CRIM1: variants seen among roughly 807,000 people sequenced by gnomAD.
CRIM1 encodes cysteine rich transmembrane BMP regulator 1.
In CRIM1, 32 loss-of-function variants were observed where a neutral mutation model predicts 116.4. The ratio of observed to expected loss-of-function variants is 0.27; its 90% CI spans 0.21 to 0.37. The LOEUF (loss-of-function observed/expected upper bound fraction) is 0.37, where lower values mean the gene tolerates loss of function less well. Ranked by LOEUF, CRIM1 falls within the 10% of genes least tolerant of loss-of-function variation. The pLI is 1.00. For missense variants in CRIM1, 1,331 were observed against 1,354.8 expected, an observed-to-expected ratio of 0.98 and a Z score of 0.28; for synonymous variants, 590 against 509.2, an observed-to-expected ratio of 1.16 and a Z score of -2.13.
chr2:36,489,588 T>C (rs2125066205), intron 7 of CRIM1, among the ~76,000 whole-genome samples: 1 of 152,308 alleles, frequency 6.6e-6, no homozygotes, highest in Middle Eastern at 3.4e-3. Flanking sequence ...GTTATGAAAG[T>C]ACTGGTTGAA....
chr2:36,486,548 G>A (rs1679830812), intron 7 of CRIM1, among the ~76,000 whole-genome samples: 1 of 152,158 alleles, frequency 6.6e-6, no homozygotes, highest in African/African-American at 2.4e-5. Context: ...TGAAACACAT[G>A]ATTAGAAATT....
intron 2 of CRIM1, among the ~76,000 whole-genome samples, chr2:36,426,436 G>A (rs1325982385): frequency 6.6e-6 from 1 of 152,174 alleles, no homozygotes; most frequent in African/African-American, 2.4e-5. Context: ...ATAGCCACCT[G>A]TATCAAACAT....
At position 36,547,049 on chromosome 2, in the gene CRIM1, GA is replaced by G; in HGVS notation, c.2813del (p.Asp938AlafsTer10). On this transcript the variant is annotated frameshift_variant, in exon 16 of 17. Transcript: ENST00000280527. LOFTEE classifies it high-confidence loss of function. ...RLHPSEDSSLDSIASVVVPII... is the reference protein window; with the variant it reads ...RLHPSEDSSLXSIASVVVPII... ...GCACCCAAGTGAAGATTCTTCACTG[GA>G]CTCCATTGCCTCAGTTGTGGTTCCC... The G allele has an allele frequency of 6.2e-7, 1 of 1,612,370 alleles. No individual in the cohort carries two copies. Among genetic ancestry groups the G allele is most frequent in the Non-Finnish European group, 8.5e-7 (1 of 1,178,626 alleles).
chr2:36,367,290 A>G (rs563509518), intron 1 of CRIM1, among the ~76,000 whole-genome samples: 21 of 152,370 alleles, frequency 1.4e-4, no homozygotes, highest in African/African-American at 4.6e-4. Context: ...GTTTTAATCA[A>G]GACTGTGACT....
At chr2:36,438,068 G>T (rs1458160813) in intron 2 of CRIM1, among the ~76,000 whole-genome samples, 1 of 150,132 alleles carries the variant, frequency 6.7e-6, no homozygotes, top group African/African-American at 2.5e-5. Flanking sequence ...GGAGGTGGAG[G>T]TTGCAGTGAG....
chr2:36,500,611 G>T (rs1306424039), intron 8 of CRIM1, among the ~76,000 whole-genome samples: 1 of 151,916 alleles, frequency 6.6e-6, no homozygotes, highest in Non-Finnish European at 1.5e-5. Flanking sequence ...GGATATTTTT[G>T]AATCTCAATA....
intron 7 of CRIM1, among the ~76,000 whole-genome samples, chr2:36,484,881 T>C (rs1013822644): frequency 2.0e-5 from 3 of 152,144 alleles, no homozygotes; most frequent in Non-Finnish European, 4.4e-5. Flanking sequence ...GTTGGGCAAA[T>C]GGGTAGTTTC....
intron 7 of CRIM1, 65 bp downstream of exon 7, chr2:36,479,759 G>C: frequency 6.8e-7 from 1 of 1,481,394 alleles, no homozygotes; most frequent in Non-Finnish European, 9.4e-7. Context: ...TTCTACCAGC[G>C]TACGTTCTTG....
At chr2:36,392,621 C>A (rs12465282) in intron 1 of CRIM1, among the ~76,000 whole-genome samples, 114,738 of 152,016 alleles carry the variant, frequency 0.75, 44,515 homozygotes, top group East Asian at 0.99. Flanking sequence ...TTCCATAATC[C>A]AACCTCATTA....
At chr2:36,482,279 G>GT (rs1679479149) in intron 7 of CRIM1, among the ~76,000 whole-genome samples, 1 of 152,062 alleles carries the variant, frequency 6.6e-6, no homozygotes, top group African/African-American at 2.4e-5. Flanking sequence ...TCATATGAAT[G>GT]TATTTACTCT....
intron 1 of CRIM1, among the ~76,000 whole-genome samples, chr2:36,383,838 G>T (rs116969768): frequency 2.0e-5 from 3 of 152,164 alleles, no homozygotes; most frequent in Non-Finnish European, 4.4e-5. Context: ...AATGGGATCC[G>T]TAAAGGCCCA....
chr2:36,441,142 T>G (rs139233220), intron 2 of CRIM1, 116 bp from the exon 3 acceptor site: 2 of 1,383,292 alleles, frequency 1.4e-6, no homozygotes, highest in Non-Finnish European at 2.0e-6. Context: ...ACACTGAATT[T>G]CTTTCCCTAC....
intron 2 of CRIM1, among the ~76,000 whole-genome samples, chr2:36,433,570 A>G (rs184405790): frequency 1.8e-4 from 27 of 152,310 alleles, no homozygotes; most frequent in South Asian, 1.7e-3. Context: ...CTCAGGCCCA[A>G]TTGCACAATA....
At chr2:36,473,458 G>A (rs1161700288) in intron 5 of CRIM1, among the ~76,000 whole-genome samples, 1 of 152,080 alleles carries the variant, frequency 6.6e-6, no homozygotes, top group African/African-American at 2.4e-5. Context: ...AACACAATCA[G>A]TTTCAGAACA....
chr2:36,405,761 A>G (rs1174456470), intron 2 of CRIM1, among the ~76,000 whole-genome samples: 3 of 152,224 alleles, frequency 2.0e-5, no homozygotes, highest in Non-Finnish European at 4.4e-5. Flanking sequence ...TTAAAAAAGC[A>G]TATCTTATAC....
chr2:36,513,002 T>C (rs1477604117), intron 10 of CRIM1, among the ~76,000 whole-genome samples: 1 of 152,236 alleles, frequency 6.6e-6, no homozygotes, highest in African/African-American at 2.4e-5. Context: ...TCCCTTTTTA[T>C]GTTGTACTTG....
chr2:36,381,339 C>A (rs1417920448), intron 1 of CRIM1, among the ~76,000 whole-genome samples: 1 of 152,162 alleles, frequency 6.6e-6, no homozygotes, highest in Non-Finnish European at 1.5e-5. Flanking sequence ...GACTCCCACA[C>A]TGGGGGCGGG....
chr2:36,452,888 G>T (rs912369945), intron 4 of CRIM1, among the ~76,000 whole-genome samples: 6 of 152,170 alleles, frequency 3.9e-5, no homozygotes, highest in African/African-American at 1.4e-4. Flanking sequence ...AAGCCTTTCA[G>T]TAAAGTTGAA....
intron 13 of CRIM1, chr2:36,531,859 C>G (rs991012082): frequency 2.1e-6 from 1 of 469,444 alleles, no homozygotes; most frequent in Non-Finnish European, 4.4e-6. Flanking sequence ...TAATATTGCT[C>G]ATATCTGAAT....
Sources: gnomAD v4.1 joint callset for allele counts (sites outside exome capture counted in the v4.1 genomes callset) on GRCh38, gnomAD v4.1.1 for gene constraint, MANE v1.5 for transcripts, NCBI Gene and HGNC (gene_info 2026-07-23, HGNC 2026-07-21) for gene names.